Variants in RARB observed in about 807,000 individuals in gnomAD.
RARB encodes HBV-activated protein.
Under a neutral mutation model 51.9 loss-of-function variants are expected in RARB, and 17 were observed. The ratio of observed to expected loss-of-function variants is 0.33; its 90% CI spans 0.22 to 0.49. RARB has a LOEUF of 0.49. Among genes scored for constraint, RARB ranks in the 20% least tolerant of loss-of-function variants. The pLI, the probability that RARB is intolerant of heterozygous loss-of-function variation, is 0.99. For missense variants in RARB, 369 were observed against 550.8 expected, an observed-to-expected ratio of 0.67 and a Z score of 3.30; for synonymous variants, 215 against 195.4, an observed-to-expected ratio of 1.10 and a Z score of -0.84.
At chr3:24,883,303 G>C (rs546248491) in intron 2 of RARB, among the ~76,000 whole-genome samples, 1 of 151,570 alleles carries the variant, frequency 6.6e-6, no homozygotes, top group African/African-American at 2.4e-5. Flanking sequence ...ATATTCAGGG[G>C]TGAAAGATTC....
At chr3:24,908,327 G>A (rs181038320) in intron 2 of RARB, among the ~76,000 whole-genome samples, 1 of 152,202 alleles carries the variant, frequency 6.6e-6, no homozygotes, top group Admixed American at 6.5e-5. Flanking sequence ...TTTTGCAAAT[G>A]CCTATTTTTT....
At chr3:25,237,787 T>C (rs765704339) in intron 5 of RARB, among the ~76,000 whole-genome samples, 3 of 152,164 alleles carry the variant, frequency 2.0e-5, no homozygotes, top group South Asian at 2.1e-4. Flanking sequence ...TACTCTACTT[T>C]TAATGCCAAA....
At chr3:25,327,060 A>C (rs906875901) in intron 5 of RARB, among the ~76,000 whole-genome samples, 1 of 151,998 alleles carries the variant, frequency 6.6e-6, no homozygotes, top group Non-Finnish European at 1.5e-5. Context: ...TCATTGTTCA[A>C]TTCCCACCTA....
rs1359667221 is a variant in RARB, at chr3:24,832,190, T to A, written c.-459+2787T>A. Among the ~76,000 whole-genome samples, 4 of 152,270 alleles carry A rather than the reference T, an allele frequency of 2.6e-5. No homozygotes were observed. The East Asian group carries it at 7.7e-4, about 29-fold the overall frequency. On this transcript the variant is annotated intron_variant, in intron 1 of 11. Coordinates refer to the RARB transcript ENST00000383772. ...CAGCAAAACAGCTGAGCAAAACATG[T>A]GGTTAAGAAGGATCAATCAAGCATA... is the stretch of plus-strand genomic sequence containing the variant.
At chr3:25,483,394 C>T (rs1696322748) in intron 2 of RARB, among the ~76,000 whole-genome samples, 1 of 152,074 alleles carries the variant, frequency 6.6e-6, no homozygotes, top group African/African-American at 2.4e-5. Context: ...TAGAGGATGT[C>T]AGATGATAAT....
intron 2 of RARB, among the ~76,000 whole-genome samples, chr3:24,969,548 G>T (rs575650177): frequency 6.6e-6 from 1 of 152,034 alleles, no homozygotes; most frequent in African/African-American, 2.4e-5. Context: ...TTTATGTGAG[G>T]TTATTCTGTC....
In RARB at chr3:25,062,750, A is replaced by G. The variant is rs117679623; in HGVS notation, c.-328+2574A>G. Among the ~76,000 whole-genome samples the G allele has an allele frequency of 3.4e-3, 512 of 152,024 alleles. 9 individuals are homozygous for G. In the East Asian group the frequency reaches 0.044, roughly 13 times the overall value. On this transcript the variant is annotated intron_variant, in intron 3 of 11. Transcript: ENST00000383772. ...ACAGAAAGTGGCTTATTGGTTGCCT[A>G]TGTTTGGGGCCAGTAGAGGTGAGAT...
At chr3:25,137,613 T>C (rs566213704) in intron 4 of RARB, among the ~76,000 whole-genome samples, 9 of 152,278 alleles carry the variant, frequency 5.9e-5, no homozygotes, top group African/African-American at 2.2e-4. Flanking sequence ...ATCACTCTTA[T>C]TGAATTTAAC....
chr3:25,238,664 G>A (rs1702359767), intron 5 of RARB, among the ~76,000 whole-genome samples: 1 of 152,122 alleles, frequency 6.6e-6, no homozygotes, highest in Non-Finnish European at 1.5e-5. Context: ...ATCCTTGTCA[G>A]CATCGGTTAT....
intron 5 of RARB, among the ~76,000 whole-genome samples, chr3:25,278,084 T>C (rs1226485338): frequency 6.6e-6 from 1 of 152,200 alleles, no homozygotes; most frequent in Non-Finnish European, 1.5e-5. Context: ...TGTGTATTTT[T>C]TTGTCATACT....
intron 5 of RARB, among the ~76,000 whole-genome samples, chr3:25,293,575 C>G (rs1287218613): frequency 8.2e-6 from 1 of 122,440 alleles, no homozygotes; most frequent in Non-Finnish European, 1.7e-5. Context: ...AAAGAATTTC[C>G]CGAGGCTAGA....
chr3:25,426,227 G>A (rs1390748712), upstream of RARB, among the ~76,000 whole-genome samples: 1 of 152,188 alleles, frequency 6.6e-6, no homozygotes, highest in African/African-American at 2.4e-5. Flanking sequence ...CTTAAAATGT[G>A]TGTTTTCTTT....
intron 5 of RARB, among the ~76,000 whole-genome samples, chr3:25,345,785 C>T (rs1228293726): frequency 6.6e-6 from 1 of 151,870 alleles, no homozygotes; most frequent in Non-Finnish European, 1.5e-5. Flanking sequence ...AAATAAGTTT[C>T]TCAGAGTGAT....
chr3:25,054,054 G>T (rs1055825839), intron 2 of RARB, among the ~76,000 whole-genome samples: 4 of 152,130 alleles, frequency 2.6e-5, no homozygotes, highest in Non-Finnish European at 5.9e-5. Flanking sequence ...TGAGTGGGGA[G>T]TCCATGTGGA....
At chr3:25,122,971 C>T (rs745822823) in intron 3 of RARB, among the ~76,000 whole-genome samples, 3 of 152,146 alleles carry the variant, frequency 2.0e-5, no homozygotes, top group South Asian at 4.1e-4. Context: ...TACCCCACTT[C>T]GCCACAGCAC....
intron 2 of RARB, among the ~76,000 whole-genome samples, chr3:25,489,121 T>A (rs1696603981): frequency 6.6e-6 from 1 of 152,258 alleles, no homozygotes; most frequent in South Asian, 2.1e-4. Context: ...TATTTTCATA[T>A]AGCATGGTGC....
In RARB at chr3:25,513,307, G is replaced by A. The variant is rs1697995653; in HGVS notation, c.448+11984G>A. Among the ~76,000 whole-genome samples the A allele has an allele frequency of 3.3e-5, 5 of 151,802 alleles. No individual in the cohort carries two copies. In the South Asian group the frequency reaches 1.0e-3, roughly 32 times the overall value. On this transcript the variant is annotated intron_variant, in intron 3 of 7. Coordinates refer to ENST00000330688, the MANE Select transcript of RARB (RefSeq NM_000965.5). ...ATCTCAAAGAAGAAAGAAAGAGACAGAGAGGGAGAGAGAAAGAAGGAAAGA... is the reference window on the plus strand; with the variant it reads ...ATCTCAAAGAAGAAAGAAAGAGACAAAGAGGGAGAGAGAAAGAAGGAAAGA...
At chr3:25,090,875 G>C (rs1699186206) in intron 3 of RARB, among the ~76,000 whole-genome samples, 1 of 152,122 alleles carries the variant, frequency 6.6e-6, no homozygotes. Context: ...GTGGGGGAAA[G>C]AGATGGTTTC....
At position 25,287,782 on chromosome 3, in the gene RARB, A is replaced by T. The variant is rs369746207; in HGVS notation, c.178+113207A>T. Among the ~76,000 whole-genome samples the T allele has an allele frequency of 5.9e-5, 9 of 152,288 alleles. No individual in the cohort carries two copies. In the East Asian group the frequency reaches 1.5e-3, roughly 26 times the overall value. ...CAGTTTTTATAAAACTGTATCCAGG[A>T]AGGATCCAAATAGACATCTTGAGAA... On this transcript the variant is annotated intron_variant, in intron 5 of 11. Coordinates refer to the RARB transcript ENST00000383772.
Sources: gnomAD v4.1 joint callset for allele counts (sites outside exome capture counted in the v4.1 genomes callset) on GRCh38, gnomAD v4.1.1 for gene constraint, MANE v1.5 for transcripts, NCBI Gene and HGNC (gene_info 2026-07-23, HGNC 2026-07-21) for gene names.